TET3: variants seen among roughly 807,000 people sequenced by gnomAD.
TET3 encodes tet methylcytosine dioxygenase 3, also known as methylcytosine dioxygenase TET3.
TET3 carries 19 observed loss-of-function variants against 141.4 expected under a neutral mutation model. The ratio of observed to expected loss-of-function variants is 0.13; its 90% confidence interval spans 0.09 to 0.20. TET3 has a LOEUF of 0.20. TET3 is among the 10% of genes least tolerant of loss of function. TET3 has a pLI of 1.00. For missense variants in TET3, 1,874 were observed against 2,356.9 expected (o/e 0.80, Z 4.24); for synonymous variants, 1,043 against 980.9 (o/e 1.06, Z -1.18).
At position 73,994,444 on chromosome 2, in the gene TET3, G is replaced by A. The variant is rs966300796; in HGVS notation, c.303+7738G>A. Among the ~76,000 whole-genome samples the A allele has an allele frequency of 2.6e-5, 4 of 152,152 alleles. No homozygotes were observed. The South Asian group carries it at 8.3e-4, about 32-fold the overall frequency. ...TAGCATTTATGACTATTCCAGTACTGAGGAACTAGCCCTGAGAGGTCCTGT... is the reference window on the plus strand; with the variant it reads ...TAGCATTTATGACTATTCCAGTACTAAGGAACTAGCCCTGAGAGGTCCTGT... On this transcript the variant is annotated intron_variant, in intron 2 of 11. Coordinates refer to ENST00000409262, the MANE Select transcript of TET3 (RefSeq NM_001287491.2).
intron 11 of TET3, among the ~76,000 whole-genome samples, chr2:74,100,001 C>A (rs1488220456): frequency 6.6e-6 from 1 of 152,200 alleles, no homozygotes; most frequent in East Asian, 1.9e-4. Context: ...TGCTGGCAGG[C>A]ATCTGAGTTC....
downstream of TET3, among the ~76,000 whole-genome samples, chr2:74,110,255 C>T (rs1255707358): frequency 6.6e-6 from 1 of 152,048 alleles, no homozygotes; most frequent in East Asian, 1.9e-4. Flanking sequence ...TGAAATGTAG[C>T]CATCTTAAAT....
intron 8 of TET3, among the ~76,000 whole-genome samples, chr2:74,092,458 G>C (rs998786284): frequency 2.0e-5 from 3 of 152,170 alleles, no homozygotes; most frequent in Non-Finnish European, 2.9e-5. Flanking sequence ...GGCTGGGCTG[G>C]CTGTGGAATT....
chr2:74,086,059 G>C (rs1487042385), intron 6 of TET3, among the ~76,000 whole-genome samples: 2 of 152,196 alleles, frequency 1.3e-5, no homozygotes, highest in African/African-American at 4.8e-5. Flanking sequence ...ACTTTCTAAA[G>C]CATGAAACTC....
At chr2:74,023,123 C>G (rs569300508) in intron 3 of TET3, among the ~76,000 whole-genome samples, 39 of 152,262 alleles carry the variant, frequency 2.6e-4, no homozygotes, top group African/African-American at 8.9e-4. Context: ...GCTGCTGTTC[C>G]TTGGACCACA....
chr2:74,061,536 G>A (rs1201832820), intron 4 of TET3, among the ~76,000 whole-genome samples: 1 of 147,976 alleles, frequency 6.8e-6, no homozygotes, highest in African/African-American at 2.5e-5. Flanking sequence ...TTCCCAGTAG[G>A]GGCGGCCGGG....
chr2:74,133,701 T>C, the TET3 span, among the ~76,000 whole-genome samples: 4 of 152,226 alleles, frequency 2.6e-5, no homozygotes, highest in Non-Finnish European at 4.4e-5. Context: ...GTGCCCTACA[T>C]GATGTATTCT....
At chr2:74,132,491 G>T in the TET3 span, among the ~76,000 whole-genome samples, 1 of 152,188 alleles carries the variant, frequency 6.6e-6, no homozygotes, top group Admixed American at 6.5e-5. Flanking sequence ...GGGCTCAAGT[G>T]ATCCTGCTGC....
At chr2:74,069,691 A>T (rs1161745784) in intron 4 of TET3, among the ~76,000 whole-genome samples, 1 of 151,768 alleles carries the variant, frequency 6.6e-6, no homozygotes, top group African/African-American at 2.4e-5. Context: ...GTATCAAGTG[A>T]TCCTCCTGCC....
intron 3 of TET3, among the ~76,000 whole-genome samples, chr2:74,025,389 C>T (rs375083001): frequency 1.3e-5 from 2 of 150,544 alleles, no homozygotes; most frequent in African/African-American, 2.4e-5. Flanking sequence ...CCCGGCTTCA[C>T]GCCATTCTCC....
chr2:74,054,368 GGGA>G (rs1688106543), intron 4 of TET3, among the ~76,000 whole-genome samples: 1 of 152,220 alleles, frequency 6.6e-6, no homozygotes, highest in South Asian at 2.1e-4. Flanking sequence ...GTAGGAGTAA[GGGA>G]GGAGGAGTGG....
At chr2:74,006,469 C>A (rs1685153997) in intron 3 of TET3, among the ~76,000 whole-genome samples, 1 of 152,212 alleles carries the variant, frequency 6.6e-6, no homozygotes, top group Non-Finnish European at 1.5e-5. Flanking sequence ...AAGGGAGAGC[C>A]CTCCTGTCCA....
Position 74,101,585 on chromosome 2 carries a change from G to A in TET3, c.4797G>A (p.Glu1599=). ...AGCTGTTTGGGGCTCTGAAGTCAGA[G>A]GAGAAGCTGTGGGACCCCTTCAGCC... ...SEKLFGALKS[E]EKLWDPFSLE... The change falls in exon 12 of 12, where the codon GAG becomes GAA. Residue 1599 remains glutamate, a synonymous_variant. Transcript: ENST00000409262. This position sits in a 1 kb window ranked among gnomAD's most constrained non-coding sequence, Gnocchi z 8.5. 1 of 1,609,876 alleles carries A rather than the reference G, an allele frequency of 6.2e-7. No individual in the cohort carries two copies. The highest frequency in any genetic ancestry group is 8.5e-7 in the Non-Finnish European group (1 of 1,177,968).
At chr2:74,061,560 C>T (rs1459840110) in intron 4 of TET3, among the ~76,000 whole-genome samples, 3 of 145,292 alleles carry the variant, frequency 2.1e-5, no homozygotes, top group African/African-American at 5.0e-5. Flanking sequence ...AGGCGCCCCT[C>T]ACCTCCCGGA....
At position 74,104,004 on chromosome 2, in the gene TET3, TG is replaced by T. The variant is rs1199672936; in HGVS notation, c.*1829del. ...AAGAGCTGAGAACCGGCCTGCTGGG[TG>T]TTTACTGTATCTGTTTGGAAGCACT... On this transcript the variant is annotated 3_prime_UTR_variant, in exon 12 of 12. Transcript: ENST00000409262. The T allele has an allele frequency of 6.5e-6, 1 of 153,728 alleles. No homozygotes were observed. The highest frequency in any genetic ancestry group is 1.5e-5 in the Non-Finnish European group (1 of 68,048). 9.5% of individuals were successfully genotyped at this position (153,728 alleles called of 1,614,324 possible).
intron 7 of TET3, 72 bp downstream of exon 7, chr2:74,088,110 G>A: frequency 1.4e-6 from 2 of 1,468,038 alleles, no homozygotes; most frequent in South Asian, 2.7e-5. Context: ...GAGACTGCAG[G>A]CAACCCTGGG....
At chr2:74,117,595 A>G in the TET3 span, among the ~76,000 whole-genome samples, 4 of 152,120 alleles carry the variant, frequency 2.6e-5, no homozygotes, top group Non-Finnish European at 5.9e-5. Flanking sequence ...TGGTACAATG[A>G]GCACCCACAT....
chr2:74,022,226 G>A (rs1686087901), intron 3 of TET3, among the ~76,000 whole-genome samples: 1 of 148,944 alleles, frequency 6.7e-6, no homozygotes, highest in Non-Finnish European at 1.5e-5. Flanking sequence ...CAAAATGTTT[G>A]ATTTGCAAAT....
At position 74,090,064 on chromosome 2, in the gene TET3, G is replaced by T. The variant is rs537162935; in HGVS notation, c.3039+17G>T. On this transcript the variant is annotated intron_variant, in intron 8 of 11. Coordinates refer to ENST00000409262, the MANE Select transcript of TET3 (RefSeq NM_001287491.2). The stretch of plus-strand genomic sequence containing the variant: ...CCCAAAGAGGTGAGCAGAGCTGGGC[G>T]GGGACCCTGCCTCCCATCCTTTCTC... 6.2e-7 allele frequency: 1 copy of T among 1,611,744 alleles called. No individual in the cohort carries two copies. The highest frequency in any genetic ancestry group is 1.3e-5 in the African/African-American group (1 of 75,022).
Sources: allele counts gnomAD v4.1 joint callset (sites outside exome capture counted in the v4.1 genomes callset), GRCh38; gene constraint gnomAD v4.1.1; non-coding constraint Gnocchi (gnomAD v3.1); transcripts MANE v1.5; gene names NCBI Gene and HGNC (gene_info 2026-07-23, HGNC 2026-07-21).